Variants in SMIM19 observed in about 807,000 individuals in gnomAD.
The protein encoded by SMIM19 is small integral membrane protein 19, also known as UPF0697 protein C8orf40.
A neutral mutation model predicts 13.2 loss-of-function variants in SMIM19; 6 were observed. The observed-to-expected ratio is 0.45, with a 90% CI of 0.25 to 0.90. The LOEUF (loss-of-function observed/expected upper bound fraction) is 0.90. SMIM19 is among the 40% of genes least tolerant of loss of function. The probability of loss-of-function intolerance (pLI) is 0.19; values close to 1 mark genes in which losing one functional copy is unlikely to be tolerated. For synonymous variants in SMIM19, 46 were observed against 43.1 expected (o/e 1.07, Z -0.27); for missense variants, 138 against 131.0 (o/e 1.05, Z -0.26).
At position 42,554,810 on chromosome 8, in the gene SMIM19, A is replaced by T. The variant is rs969323862; in HGVS notation, c.*2202A>T. 1 of 152,274 alleles carries T rather than the reference A, an allele frequency of 6.6e-6. No individual in the cohort carries two copies. The highest frequency in any genetic ancestry group is 6.5e-5 in the Admixed American group (1 of 15,284). 9.4% of individuals were successfully genotyped at this position (152,274 alleles called of 1,614,324 possible). ...TGGAACTACTAATAAGCTAGTAATT[A>T]ACCCTTGTATTCTTTTTCTGGTTTC... is the stretch of plus-strand genomic sequence containing the variant. On this transcript the variant is annotated 3_prime_UTR_variant, in exon 4 of 4. Transcript: ENST00000417410.
At chr8:42,543,238 G>A (rs1415324154) in intron 1 of SMIM19, among the ~76,000 whole-genome samples, 2 of 152,146 alleles carry the variant, frequency 1.3e-5, no homozygotes, top group Non-Finnish European at 2.9e-5. Flanking sequence ...TGTACACTTG[G>A]TTACACTGTG....
chr8:42,552,721 CT>C lies in SMIM19; in HGVS notation c.*117del, dbSNP rs373101905. 2 of 1,286,610 alleles carry C rather than the reference CT, an allele frequency of 1.6e-6. No homozygotes were observed. Among genetic ancestry groups the C allele is most frequent in the African/African-American group, 1.5e-5 (1 of 67,356 alleles). The allele number at this position is 1,286,610 out of a possible 1,614,324, so 79.7% of individuals were successfully genotyped here. A position where few individuals can be genotyped will look rare whatever the true frequency, so the allele number is the denominator to read the frequency against. On this transcript the variant is annotated 3_prime_UTR_variant, in exon 4 of 4. Transcript: ENST00000417410. ...CTGCATAAAATTATTTTACTTGTAA[CT>C]TTTCCCCAATTGTTCTGTGCATTGT... is the stretch of plus-strand genomic sequence containing the variant.
intron 2 of SMIM19, 126 bp from the exon 3 acceptor site, chr8:42,548,530 T>C (rs1563568853): frequency 1.6e-6 from 2 of 1,265,664 alleles, no homozygotes; most frequent in Admixed American, 1.8e-5. Context: ...AAAGACAAAA[T>C]AGAAAGTAAA....
In SMIM19 at chr8:42,546,960, C is replaced by T. The variant is rs10958718; in HGVS notation, c.134+354C>T. Among the ~76,000 whole-genome samples the T allele has an allele frequency of 3.8e-3, 582 of 151,796 alleles. 24 individuals carry two copies. The East Asian group carries it at 0.1, about 26-fold the overall frequency. ...CCAGCCTGGCGACAGAGCAAGACTCCGCCTCAGAAAAAAAAAGAAAGAAAT... is the reference window on the plus strand; with the variant it reads ...CCAGCCTGGCGACAGAGCAAGACTCTGCCTCAGAAAAAAAAAGAAAGAAAT... On this transcript the variant is annotated intron_variant, in intron 2 of 3. Transcript: ENST00000417410.
At chr8:42,541,271 A>T (rs1813119423), upstream of SMIM19, 1 of 151,058 alleles carries the variant, frequency 6.6e-6, no homozygotes, top group African/African-American at 2.4e-5. Context: ...GGCCAGGTCC[A>T]CGTGGGCCAG....
At chr8:42,551,296 C>T (rs1052290612) in intron 3 of SMIM19, among the ~76,000 whole-genome samples, 2 of 134,248 alleles carry the variant, frequency 1.5e-5, no homozygotes, top group African/African-American at 2.9e-5. Context: ...CTAGCCTGGG[C>T]GACAGAGCGA....
intron 1 of SMIM19, among the ~76,000 whole-genome samples, chr8:42,543,884 A>G (rs550165562): frequency 1.3e-5 from 2 of 152,236 alleles, no homozygotes; most frequent in Admixed American, 6.5e-5. Context: ...CAGCATCTCA[A>G]ATCAGACACA....
At chr8:42,550,580 T>C (rs1210577875) in intron 3 of SMIM19, among the ~76,000 whole-genome samples, 2 of 152,346 alleles carry the variant, frequency 1.3e-5, no homozygotes, top group East Asian at 1.9e-4. Flanking sequence ...GACTATTTCA[T>C]GTCCACATCT....
At chr8:42,549,192 T>G (rs1250067907) in intron 3 of SMIM19, among the ~76,000 whole-genome samples, 1 of 152,106 alleles carries the variant, frequency 6.6e-6, no homozygotes, top group Non-Finnish European at 1.5e-5. Flanking sequence ...GGTGGGTGGA[T>G]CACAAGGTCA....
intron 1 of SMIM19, among the ~76,000 whole-genome samples, chr8:42,543,792 TC>T (rs1481588507): frequency 6.6e-6 from 1 of 152,222 alleles, no homozygotes; most frequent in Non-Finnish European, 1.5e-5. Flanking sequence ...GCTGTATGGT[TC>T]CCCGTTTCTT....
chr8:42,550,381 G>C (rs989629895), intron 3 of SMIM19, among the ~76,000 whole-genome samples: 2 of 152,210 alleles, frequency 1.3e-5, no homozygotes, highest in South Asian at 4.1e-4. Context: ...GTTGTCTCAC[G>C]GTTCGGTGGG....
At position 42,553,430 on chromosome 8, in the gene SMIM19, C is replaced by G. The variant is rs746072117; in HGVS notation, c.*822C>G. 6.6e-6 allele frequency: 1 copy of G among 152,188 alleles called. No individual in the cohort carries two copies. The highest frequency in any genetic ancestry group is 2.4e-5 in the African/African-American group (1 of 41,438). The allele number at this position is 152,188 out of a possible 1,614,324, so 9.4% of individuals were successfully genotyped here. On this transcript the variant is annotated 3_prime_UTR_variant, in exon 4 of 4. Coordinates refer to ENST00000417410, the MANE Select transcript of SMIM19 (RefSeq NM_001135674.2). The stretch of plus-strand genomic sequence containing the variant: ...TGCCTGTGTATTGGTGTTGGCAACT[C>G]TGCGGTAGTAGTGCTACCACTGGCG...
chr8:42,550,563 T>G (rs1813641298), intron 3 of SMIM19, among the ~76,000 whole-genome samples: 1 of 152,174 alleles, frequency 6.6e-6, no homozygotes, highest in Non-Finnish European at 1.5e-5. Flanking sequence ...GAGCATTGCA[T>G]CTTTCTGACT....
Position 42,546,504 on chromosome 8 carries a change from A to G in SMIM19, c.32A>G (p.Asp11Gly). ...GGGGGTTATGGAGTGATGGGTGACG[A>G]TGGTTCTATTGATTATACTGTTCAC... MAGGYGVMGD[D>G]GSIDYTVHEA... The change falls in exon 2 of 4, where the codon GAT (aspartate) becomes GGT (glycine). Residue 11 changes from aspartate (D) to glycine (G), a missense_variant. By Grantham distance (94) the Asp-to-Gly change is moderately conservative. Transcript: ENST00000417410. 1 of 1,613,674 alleles carries G rather than the reference A, an allele frequency of 6.2e-7. No homozygotes were observed. The highest frequency in any genetic ancestry group is 8.5e-7 in the Non-Finnish European group (1 of 1,179,878).
intron 1 of SMIM19, among the ~76,000 whole-genome samples, chr8:42,544,305 G>A (rs918799296): frequency 1.3e-5 from 2 of 152,050 alleles, no homozygotes; most frequent in Admixed American, 1.3e-4. Context: ...CAGCTAGTCA[G>A]GAGGCTGAGG....
At chr8:42,544,692 T>C (rs947543532) in intron 1 of SMIM19, among the ~76,000 whole-genome samples, 1 of 152,230 alleles carries the variant, frequency 6.6e-6, no homozygotes, top group African/African-American at 2.4e-5. Context: ...TGGCTGTTCA[T>C]GATACTCACT....
Position 42,548,334 on chromosome 8 carries a change from A to G in SMIM19, c.135-322A>G, listed in dbSNP as rs1387291056. ...GCTTTATCTGGATGTCATGAAAGGG[A>G]GGAAAAATCAGCTGTTTTCTTGTTT... On this transcript the variant is annotated intron_variant, in intron 2 of 3. Transcript: ENST00000417410. 6.5e-6 allele frequency: 3 copies of G among 459,172 alleles called. No homozygotes were observed. In the Admixed American group the frequency reaches 7.0e-5, roughly 11 times the overall value. The allele number at this position is 459,172 out of a possible 1,614,324, so 28.4% of individuals were successfully genotyped here. A position where few individuals can be genotyped will look rare whatever the true frequency, so the allele number is the denominator to read the frequency against.
At chr8:42,549,455 G>A (rs1461561151) in intron 3 of SMIM19, among the ~76,000 whole-genome samples, 2 of 152,104 alleles carry the variant, frequency 1.3e-5, no homozygotes. Flanking sequence ...ACACATGGAT[G>A]AACCTTGAAG....
intron 1 of SMIM19, among the ~76,000 whole-genome samples, chr8:42,545,201 A>T (rs944370909): frequency 1.3e-4 from 20 of 152,224 alleles, no homozygotes; most frequent in African/African-American, 4.8e-4. Flanking sequence ...CTTTAAAGAA[A>T]AATTCAGTTA....
Sources: allele counts gnomAD v4.1 joint callset (sites outside exome capture counted in the v4.1 genomes callset), GRCh38; gene constraint gnomAD v4.1.1; transcripts MANE v1.5; gene names NCBI Gene and HGNC (gene_info 2026-07-23, HGNC 2026-07-21).